The following PSMD14 variants were observed in gnomAD, a reference collection of about 807,000 sequenced individuals.
PSMD14 encodes ubiquitin C-terminal hydrolase PSMD14.
In PSMD14, 7 loss-of-function variants were observed where a neutral mutation model predicts 41.2. The ratio of observed to expected loss-of-function variants is 0.17; its 90% CI spans 0.10 to 0.32. The LOEUF (loss-of-function observed/expected upper bound fraction) is 0.32. Ranked by LOEUF, PSMD14 falls within the 10% of genes least tolerant of loss-of-function variation. The pLI is 1.00. For missense variants in PSMD14, 139 were observed against 375.6 expected (o/e 0.37, Z 5.21); for synonymous variants, 114 against 122.3 (o/e 0.93, Z 0.45).
intron 10 of PSMD14, among the ~76,000 whole-genome samples, chr2:161,406,513 AC>A (rs575260340): frequency 1.3e-5 from 2 of 152,138 alleles, no homozygotes; most frequent in Non-Finnish European, 2.9e-5. Flanking sequence ...ATCATTTCTT[AC>A]GTTTTTCCTG....
At chr2:161,338,749 A>C (rs1682905682) in intron 3 of PSMD14, among the ~76,000 whole-genome samples, 1 of 152,202 alleles carries the variant, frequency 6.6e-6, no homozygotes, top group Non-Finnish European at 1.5e-5. Context: ...CACTGCAATC[A>C]AGATGGTGAA....
chr2:161,381,574 T>C (rs1164300166), intron 7 of PSMD14: 1 of 151,900 alleles, frequency 6.6e-6, no homozygotes, highest in Non-Finnish European at 1.5e-5. Flanking sequence ...AACTATAGAT[T>C]GGTGCTTTAC....
At chr2:161,327,789 A>C (rs1402943562) in intron 3 of PSMD14, among the ~76,000 whole-genome samples, 1 of 152,164 alleles carries the variant, frequency 6.6e-6, no homozygotes, top group East Asian at 1.9e-4. Context: ...AAAGAATGTG[A>C]AATAAGAATG....
intron 7 of PSMD14, among the ~76,000 whole-genome samples, chr2:161,375,641 G>A (rs376459726): frequency 6.6e-6 from 1 of 151,926 alleles, no homozygotes. Flanking sequence ...ATATTAGAAT[G>A]TAAAATGAGT....
chr2:161,407,364 A>G (rs570238514), intron 10 of PSMD14, among the ~76,000 whole-genome samples: 1 of 152,098 alleles, frequency 6.6e-6, no homozygotes. Flanking sequence ...CATGTTATTA[A>G]CTTTTTCTTC....
At chr2:161,341,861 T>G (rs927727593) in intron 3 of PSMD14, among the ~76,000 whole-genome samples, 2 of 134,596 alleles carry the variant, frequency 1.5e-5, no homozygotes, top group Non-Finnish European at 3.2e-5. Flanking sequence ...AAAATTAAAA[T>G]TAAAAAAAAT....
intron 8 of PSMD14, among the ~76,000 whole-genome samples, 191 bp from the exon 9 acceptor site, chr2:161,390,913 C>T (rs1023557826): frequency 6.6e-5 from 10 of 152,078 alleles, no homozygotes; most frequent in African/African-American, 9.7e-5. Flanking sequence ...ATGTGTAACC[C>T]GTTCCTCTAA....
chr2:161,322,797 AGTT>A (rs1373658708), intron 3 of PSMD14, among the ~76,000 whole-genome samples: 1 of 152,136 alleles, frequency 6.6e-6, no homozygotes, highest in Non-Finnish European at 1.5e-5. Context: ...ACTTGGTCTT[AGTT>A]GTTTTATTTG....
chr2:161,318,711 T>C, intron 2 of PSMD14, 111 bp from the exon 3 acceptor site: 2 of 771,006 alleles, frequency 2.6e-6, no homozygotes, highest in South Asian at 1.6e-5. Flanking sequence ...TGTGTTGTAA[T>C]TACCACCAAT....
chr2:161,385,608 T>TAA (rs1390500844), intron 8 of PSMD14, 37 bp downstream of exon 8: 1 of 1,333,596 alleles, frequency 7.5e-7, no homozygotes, highest in East Asian at 2.3e-5. Flanking sequence ...AAAACTCTTT[T>TAA]AAATTTTAAA....
At chr2:161,347,862 G>A (rs1287250084) in intron 3 of PSMD14, among the ~76,000 whole-genome samples, 1 of 152,128 alleles carries the variant, frequency 6.6e-6, no homozygotes, top group Non-Finnish European at 1.5e-5. Flanking sequence ...TTTGGTTATT[G>A]TCACAGTGCT....
intron 10 of PSMD14, among the ~76,000 whole-genome samples, chr2:161,404,149 T>C (rs1237023615): frequency 6.6e-6 from 1 of 152,066 alleles, no homozygotes; most frequent in East Asian, 1.9e-4. Flanking sequence ...CAAGTGATGC[T>C]TCCCCCTCAG....
chr2:161,409,610 G>C (rs1337272122), intron 11 of PSMD14: 1 of 152,064 alleles, frequency 6.6e-6, no homozygotes, highest in South Asian at 2.1e-4. Flanking sequence ...AGCTATGTAG[G>C]TTTGGGCCAG....
intron 8 of PSMD14, among the ~76,000 whole-genome samples, chr2:161,389,643 TA>T (rs1683680047): frequency 2.0e-5 from 3 of 152,134 alleles, no homozygotes; most frequent in African/African-American, 7.2e-5. Context: ...TAAAATATTT[TA>T]ATACTCATTG....
intron 3 of PSMD14, among the ~76,000 whole-genome samples, chr2:161,343,437 C>T (rs1370029790): frequency 6.6e-6 from 1 of 152,072 alleles, no homozygotes; most frequent in African/African-American, 2.4e-5. Flanking sequence ...GTATGCATAC[C>T]ATATTTTGTT....
In PSMD14 at chr2:161,411,602, A is replaced by G; in HGVS notation, c.*202A>G. The G allele has an allele frequency of 3.0e-6, 1 of 334,774 alleles. No homozygotes were observed. 20.7% of individuals were successfully genotyped at this position (334,774 alleles called of 1,614,324 possible). On this transcript the variant is annotated 3_prime_UTR_variant, in exon 12 of 12. Transcript: ENST00000409682. The stretch of plus-strand genomic sequence containing the variant: ...GGGTCTTTGCAGATTCTAAAGTTAT[A>G]CATGAATACATCAAAGTGGACAAAT...
At chr2:161,410,942 G>A (rs1684014686) in intron 11 of PSMD14, among the ~76,000 whole-genome samples, 2 of 151,928 alleles carry the variant, frequency 1.3e-5, no homozygotes, top group East Asian at 1.9e-4. Flanking sequence ...ATATATGAAC[G>A]GTAGAGAATA....
chr2:161,336,017 A>G (rs1682863737), intron 3 of PSMD14, among the ~76,000 whole-genome samples: 1 of 152,230 alleles, frequency 6.6e-6, no homozygotes, highest in Non-Finnish European at 1.5e-5. Context: ...TACTTGTTTT[A>G]TTAATAAAGA....
At position 161,346,607 on chromosome 2, in the gene PSMD14, T is replaced by G. The variant is rs145206571; in HGVS notation, c.49-20871T>G. Among the ~76,000 whole-genome samples the G allele has an allele frequency of 1.8e-3, 274 of 150,212 alleles. 2 individuals are homozygous for G. Among genetic ancestry groups the G allele is most frequent in the African/African-American group, 6.5e-3 (265 of 40,568 alleles). ...TACTTTTTATTCTTAGAAATATTCTTGATATTTGTTATGGGATGCAGTTGA... is the reference window on the plus strand; with the variant it reads ...TACTTTTTATTCTTAGAAATATTCTGGATATTTGTTATGGGATGCAGTTGA... On this transcript the variant is annotated intron_variant, in intron 3 of 11. Transcript: ENST00000409682.
Sources: allele counts gnomAD v4.1 joint callset (sites outside exome capture counted in the v4.1 genomes callset), GRCh38; gene constraint gnomAD v4.1.1; transcripts MANE v1.5; gene names NCBI Gene and HGNC (gene_info 2026-07-23, HGNC 2026-07-21).